CHI3L2: variants seen among roughly 807,000 people sequenced by gnomAD.
CHI3L2 encodes the protein chitinase-3-like protein 2.
In CHI3L2, 47 loss-of-function variants were observed where a neutral mutation model predicts 47.3. The ratio of observed to expected loss-of-function variants is 0.99; its 90% CI spans 0.79 to 1.27. CHI3L2 has a LOEUF of 1.27. Among genes scored for constraint, CHI3L2 ranks in the 50% most tolerant of loss-of-function variants. The pLI, the probability that CHI3L2 is intolerant of heterozygous loss-of-function variation, is 0.00. For synonymous variants in CHI3L2, 198 were observed against 169.9 expected, an observed-to-expected ratio of 1.17 and a Z score of -1.28; for missense variants, 497 against 462.1, an observed-to-expected ratio of 1.08 and a Z score of -0.69.
At chr1:111,240,454 A>G (rs997220998) in intron 8 of CHI3L2, among the ~76,000 whole-genome samples, 4 of 152,170 alleles carry the variant, frequency 2.6e-5, no homozygotes, top group African/African-American at 9.7e-5. Flanking sequence ...CTCTTAATAT[A>G]AGGGAGAAGA....
chr1:111,230,738 C>A lies in CHI3L2; in HGVS notation c.71-4C>A. ...TCTCACTGGCTCTCTTCACTCTACTCCAGGATCTGCCTACAAACTGGTTTG... is the reference window on the plus strand; with the variant it reads ...TCTCACTGGCTCTCTTCACTCTACTACAGGATCTGCCTACAAACTGGTTTG... On this transcript the variant is annotated splice_polypyrimidine_tract_variant and splice_region_variant and intron_variant, in intron 2 of 10. Coordinates refer to ENST00000369748, the MANE Select transcript of CHI3L2 (RefSeq NM_004000.3). 1 of 1,613,924 alleles carries A rather than the reference C, an allele frequency of 6.2e-7. No homozygotes were observed. The highest frequency in any genetic ancestry group is 8.5e-7 in the Non-Finnish European group (1 of 1,179,820).
chr1:111,241,963 T>G (rs1173021939), intron 9 of CHI3L2, among the ~76,000 whole-genome samples: 1 of 152,182 alleles, frequency 6.6e-6, no homozygotes, highest in Non-Finnish European at 1.5e-5. Flanking sequence ...CCTAGTTTCT[T>G]CCCTTATTAT....
Position 111,238,764 on chromosome 1 carries a change from G to A in CHI3L2, c.750G>A (p.Gly250=), listed in dbSNP as rs1659958729. The change falls in exon 8 of 11, where the codon GGG becomes GGA. Residue 250 remains glycine, a synonymous_variant. Coordinates refer to ENST00000369748, the MANE Select transcript of CHI3L2 (RefSeq NM_004000.3). The stretch of plus-strand genomic sequence containing the variant: ...TCCCATTCTAGGAATATGCTGTGGG[G>A]TACTGGATACATAAGGGAATGCCAT... ...SSYYNVEYAV[G]YWIHKGMPSE... is the part of the protein sequence containing the mutation. 1 of 1,613,948 alleles carries A rather than the reference G, an allele frequency of 6.2e-7. No homozygotes were observed. The highest frequency in any genetic ancestry group is 2.2e-5 in the East Asian group (1 of 44,872).
intron 9 of CHI3L2, among the ~76,000 whole-genome samples, 194 bp downstream of exon 9, chr1:111,241,637 G>A (rs189817298): frequency 1.3e-5 from 2 of 152,318 alleles, no homozygotes; most frequent in African/African-American, 4.8e-5. Context: ...AGGTAGAAGA[G>A]TTGGAAAGGA....
At chr1:111,240,193 G>C (rs1660006470) in intron 8 of CHI3L2, among the ~76,000 whole-genome samples, 1 of 152,218 alleles carries the variant, frequency 6.6e-6, no homozygotes, top group South Asian at 2.1e-4. Context: ...ACCTCTCATT[G>C]TGAGTGTGAA....
intron 8 of CHI3L2, 110 bp downstream of exon 8, chr1:111,239,042 C>A (rs1659971291): frequency 9.4e-7 from 1 of 1,067,702 alleles, no homozygotes; most frequent in Non-Finnish European, 1.3e-6. Flanking sequence ...GGGGAAAGGG[C>A]AGAGTACTAC....
At position 111,242,316 on chromosome 1, in the gene CHI3L2, C is replaced by A; in HGVS notation, c.1125C>A (p.Gly375=). 1 of 1,613,720 alleles carries A rather than the reference C, an allele frequency of 6.2e-7. No homozygotes were observed. The highest frequency in any genetic ancestry group is 1.1e-5 in the South Asian group (1 of 91,000). ...DDFTGKSCNQ[G]PYPLVQAVKR... ...TCACTGGCAAATCCTGCAACCAGGGCCCTTACCCTCTTGTCCAAGCAGTCA... is the reference window on the plus strand; with the variant it reads ...TCACTGGCAAATCCTGCAACCAGGGACCTTACCCTCTTGTCCAAGCAGTCA... Residue 375 remains glycine (G), a synonymous_variant, in exon 10 of 11, where the codon GGC becomes GGA. Coordinates refer to ENST00000369748, the MANE Select transcript of CHI3L2 (RefSeq NM_004000.3).
intron 1 of CHI3L2, 110 bp from the exon 2 acceptor site, chr1:111,229,742 A>G: frequency 6.8e-7 from 1 of 1,470,720 alleles, no homozygotes; most frequent in African/African-American, 1.5e-5. Context: ...GCCCAGATGA[A>G]GTGTGGCTCT....
chr1:111,242,477 T>G (rs974083049), intron 10 of CHI3L2, 111 bp downstream of exon 10: 2 of 1,225,170 alleles, frequency 1.6e-6, no homozygotes, highest in Non-Finnish European at 2.2e-6. Flanking sequence ...CTCATGCTCC[T>G]TTGGCTCTTC....
intron 7 of CHI3L2, among the ~76,000 whole-genome samples, chr1:111,237,738 A>G (rs971075717): frequency 2.0e-5 from 3 of 152,118 alleles, no homozygotes; most frequent in Non-Finnish European, 2.9e-5. Context: ...AGCCCCCCAG[A>G]CATCTGAACA....
At chr1:111,236,616 C>A (rs779541504) in intron 7 of CHI3L2, among the ~76,000 whole-genome samples, 1 of 151,176 alleles carries the variant, frequency 6.6e-6, no homozygotes, top group Non-Finnish European at 1.5e-5. Context: ...TCTTCAAGGT[C>A]GTGTGTTGTG....
intron 8 of CHI3L2, 59 bp from the exon 9 acceptor site, chr1:111,241,268 C>A: frequency 1.1e-6 from 1 of 949,458 alleles, no homozygotes; most frequent in Non-Finnish European, 1.7e-6. Context: ...CCTGTCTACC[C>A]CAACCAAGTT....
chr1:111,237,732 C>T (rs1377667970), intron 7 of CHI3L2, among the ~76,000 whole-genome samples: 3 of 152,162 alleles, frequency 2.0e-5, no homozygotes, highest in Non-Finnish European at 4.4e-5. Context: ...ATTCTAAGCC[C>T]CCCAGACATC....
At chr1:111,231,895 CAA>C (rs1191001761) in intron 4 of CHI3L2, among the ~76,000 whole-genome samples, 1 of 152,248 alleles carries the variant, frequency 6.6e-6, no homozygotes, top group African/African-American at 2.4e-5. Flanking sequence ...CCATTTACAT[CAA>C]GAGCTAAATG....
At chr1:111,235,540 T>C (rs757606013) in intron 5 of CHI3L2, 99 bp from the exon 6 acceptor site, 29 of 1,351,166 alleles carry the variant, frequency 2.1e-5, no homozygotes, top group Non-Finnish European at 2.8e-5. Context: ...ATCCTTTCCA[T>C]CTAATGTGGT....
chr1:111,241,886 A>G (rs182758873), intron 9 of CHI3L2, among the ~76,000 whole-genome samples: 2 of 152,266 alleles, frequency 1.3e-5, no homozygotes, highest in East Asian at 1.9e-4. Flanking sequence ...TGTTCCTTTC[A>G]TGGTTAGAAC....
rs763171600 is a variant in CHI3L2, at chr1:111,242,312, A to AAATCCT, written c.1121_1122insAATCCT (p.Gln374_Gly375insIleLeu). ...GACTTCACTGGCAAATCCTGCAACC[A>AAATCCT]GGGCCCTTACCCTCTTGTCCAAGCA... On this transcript the variant is annotated inframe_insertion, in exon 10 of 11. Coordinates refer to ENST00000369748, the MANE Select transcript of CHI3L2 (RefSeq NM_004000.3). 1.4e-5 allele frequency: 22 copies of AAATCCT among 1,613,896 alleles called. No individual in the cohort carries two copies. The African/African-American group carries it at 2.8e-4, about 21-fold the overall frequency.
intron 7 of CHI3L2, among the ~76,000 whole-genome samples, chr1:111,237,389 TCA>T (rs1026621009): frequency 3.3e-5 from 5 of 152,256 alleles, no homozygotes; most frequent in Non-Finnish European, 5.9e-5. Context: ...CATAATTTTC[TCA>T]GTTACAATCT....
At chr1:111,236,988 G>A (rs1659905963) in intron 7 of CHI3L2, among the ~76,000 whole-genome samples, 1 of 152,188 alleles carries the variant, frequency 6.6e-6, no homozygotes, top group Admixed American at 6.5e-5. Context: ...AGAACTGGTT[G>A]AGCCAGATTC....
Sources: gnomAD v4.1 joint callset for allele counts (sites outside exome capture counted in the v4.1 genomes callset) on GRCh38, gnomAD v4.1.1 for gene constraint, MANE v1.5 for transcripts, NCBI Gene and HGNC (gene_info 2026-07-23, HGNC 2026-07-21) for gene names.